ALS2: variants seen among roughly 807,000 people sequenced by gnomAD.
ALS2 encodes alsin Rho guanine nucleotide exchange factor ALS2.
Under a neutral mutation model 203.4 loss-of-function variants are expected in ALS2, and 117 were observed. That is an observed-to-expected ratio of 0.58 (90% CI 0.50 to 0.67). The LOEUF (loss-of-function observed/expected upper bound fraction) is 0.67, where lower values mean the gene tolerates loss of function less well. Among genes scored for constraint, ALS2 ranks in the 30% least tolerant of loss-of-function variants. ALS2 has a pLI of 0.00. For missense variants in ALS2, 1,715 were observed against 1,989.4 expected, an observed-to-expected ratio of 0.86 and a Z score of 2.62; for synonymous variants, 718 against 725.9, an observed-to-expected ratio of 0.99 and a Z score of 0.17.
intron 16 of ALS2, 67 bp downstream of exon 16, chr2:201,727,638 A>G: frequency 7.1e-7 from 1 of 1,415,236 alleles, no homozygotes. Context: ...GCTTTTTTTC[A>G]CATTTAAGGA....
intron 29 of ALS2, 97 bp downstream of exon 29, chr2:201,706,749 A>G (rs1243258300): frequency 8.2e-7 from 1 of 1,223,892 alleles, no homozygotes. Flanking sequence ...ATTACAAGCC[A>G]TATATATAAT....
chr2:201,780,042 A>G (rs1257002220), intron 1 of ALS2: 2 of 152,228 alleles, frequency 1.3e-5, no homozygotes, highest in African/African-American at 2.4e-5. Flanking sequence ...GTAACTGAGT[A>G]AAGATCTTCA....
rs774213420 is a variant in ALS2, at chr2:201,761,866, T to C, written c.176-48A>G. ...AAGAAAAAAAAAAGGGTTAGTGAATTAACTAAAAATTTTAACAGCAAACTT... is the reference window on the plus strand; with the variant it reads ...AAGAAAAAAAAAAGGGTTAGTGAATCAACTAAAAATTTTAACAGCAAACTT... On this transcript the variant is annotated intron_variant, in intron 3 of 33. Transcript: ENST00000264276. The C allele has an allele frequency of 3.1e-6, 5 of 1,592,682 alleles. No individual in the cohort carries two copies. The Admixed American group carries it at 8.7e-5, about 28-fold the overall frequency.
intron 27 of ALS2, among the ~76,000 whole-genome samples, chr2:201,708,401 T>G (rs969651634): frequency 1.3e-5 from 2 of 152,204 alleles, no homozygotes; most frequent in East Asian, 3.8e-4. Flanking sequence ...TGTAAAGTTT[T>G]ATTTTATTTT....
At chr2:201,731,259 T>A (rs891348786) in intron 13 of ALS2, among the ~76,000 whole-genome samples, 1 of 152,140 alleles carries the variant, frequency 6.6e-6, no homozygotes, top group African/African-American at 2.4e-5. Flanking sequence ...AAATAAGGTA[T>A]GATCTTTGTA....
At chr2:201,707,121 G>C (rs1689767223) in intron 28 of ALS2, 99 bp from the exon 29 acceptor site, 1 of 1,125,818 alleles carries the variant, frequency 8.9e-7, no homozygotes, top group Non-Finnish European at 1.3e-6. Context: ...CAAAAGTAGA[G>C]ATGGGAAGTT....
In ALS2 at chr2:201,769,015, AGC is replaced by A. The variant is rs1426334987; in HGVS notation, c.-60-72_-60-71del. ...CCCCTCAGACATTAAAAAAAAAAAA[AGC>A]AGCCCTCTAACAAGTGCACATTCAC... is the stretch of plus-strand genomic sequence containing the variant. On this transcript the variant is annotated intron_variant, in intron 1 of 33. Coordinates refer to ENST00000264276, the MANE Select transcript of ALS2 (RefSeq NM_020919.4). 5.8e-5 allele frequency: 42 copies of A among 720,310 alleles called. No homozygotes were observed. The Admixed American group carries it at 1.1e-3, about 19-fold the overall frequency. 44.6% of individuals were successfully genotyped at this position (720,310 alleles called of 1,614,324 possible). A position where few individuals can be genotyped will look rare whatever the true frequency, so the allele number is the denominator to read the frequency against.
rs780039812 is a variant in ALS2 at position 201,704,617 on chromosome 2, A to G, written c.4689-14T>C. 6.2e-7 allele frequency: 1 copy of G among 1,614,072 alleles called. No individual in the cohort carries two copies. Among genetic ancestry groups the G allele is most frequent in the Non-Finnish European group, 8.5e-7 (1 of 1,179,938 alleles). ...GTAAATGTTGTGCTGTTACAGAAAC[A>G]ATGACAAAAAGACATCCTATAATTT... On this transcript the variant is annotated splice_polypyrimidine_tract_variant and intron_variant, in intron 31 of 33. Coordinates refer to ENST00000264276, the MANE Select transcript of ALS2 (RefSeq NM_020919.4).
At chr2:201,704,372 C>G (rs1689572490) in intron 32 of ALS2, 82 bp downstream of exon 32, 5 of 1,559,902 alleles carry the variant, frequency 3.2e-6, no homozygotes, top group African/African-American at 1.4e-5. Context: ...GAAGAGCGTA[C>G]TCCTGCTGTC....
At chr2:201,732,537 C>T (rs894803292) in intron 13 of ALS2, among the ~76,000 whole-genome samples, 1 of 152,056 alleles carries the variant, frequency 6.6e-6, no homozygotes, top group Non-Finnish European at 1.5e-5. Flanking sequence ...CACTGCACTC[C>T]AGCCCCAGTG....
rs1691383975 is a variant in ALS2 at position 201,729,190 on chromosome 2, G to A, written c.2581-7C>T. ...TCTGATATTCTGGAGATGCCTACAG[G>A]GCAAAAATTAAAGAGGAAAAAAAAA... On this transcript the variant is annotated splice_polypyrimidine_tract_variant and splice_region_variant and intron_variant, in intron 13 of 33. Transcript: ENST00000264276. The A allele has an allele frequency of 1.9e-6, 3 of 1,612,746 alleles. No individual in the cohort carries two copies. The East Asian group carries it at 6.7e-5, about 36-fold the overall frequency.
Position 201,701,989 on chromosome 2 carries a change from A to G in ALS2, c.4936-100T>C, listed in dbSNP as rs188138839. ...TAAAGAAACAAAATCCCTTATGAAC[A>G]AATTCAGCTGATGGCCCAACAGATT... On this transcript the variant is annotated intron_variant, in intron 33 of 33. Coordinates refer to ENST00000264276, the MANE Select transcript of ALS2 (RefSeq NM_020919.4). The G allele has an allele frequency of 5.4e-3, 5,721 of 1,050,868 alleles. 20 individuals are homozygous for G. Among genetic ancestry groups the G allele is most frequent in the Middle Eastern group, 8.2e-3 (31 of 3,782 alleles). 65.1% of individuals were successfully genotyped at this position (1,050,868 alleles called of 1,614,324 possible).
chr2:201,775,234 T>C (rs1052822824), intron 1 of ALS2, among the ~76,000 whole-genome samples: 4 of 152,372 alleles, frequency 2.6e-5, no homozygotes, highest in Admixed American at 6.5e-5. Flanking sequence ...AGATTTCATG[T>C]AGCCATTAAC....
At chr2:201,725,013 T>C (rs995663861) in intron 20 of ALS2, among the ~76,000 whole-genome samples, 12 of 150,670 alleles carry the variant, frequency 8.0e-5, no homozygotes, top group Admixed American at 2.0e-4. Context: ...CTCGGGAGGC[T>C]GAAGCAGGAG....
intron 1 of ALS2, among the ~76,000 whole-genome samples, chr2:201,774,372 T>C (rs913377331): frequency 3.9e-5 from 6 of 152,228 alleles, no homozygotes; most frequent in African/African-American, 1.2e-4. Flanking sequence ...AGCAGAATTA[T>C]ACATTTTGTG....
At chr2:201,719,181 G>A (rs1474945729) in intron 23 of ALS2, among the ~76,000 whole-genome samples, 1 of 152,246 alleles carries the variant, frequency 6.6e-6, no homozygotes, top group Non-Finnish European at 1.5e-5. Flanking sequence ...TTTGGAAAGT[G>A]TGTCTCCTCT....
Position 201,741,849 on chromosome 2 carries a change from A to G in ALS2, c.2176T>C (p.Leu726=). The stretch of plus-strand genomic sequence containing the variant: ...AGCTGGACTGTAGTTGTAGTGCCCA[A>G]ATTTTCTATAACAAAATAATGATGA... ...ILRPLLSLEN[L]GTTTTVQLLQ... The change falls in exon 11 of 34, where the codon TTG becomes CTG. Residue 726 remains leucine (L), a synonymous_variant. Transcript: ENST00000264276. The G allele has an allele frequency of 1.2e-6, 2 of 1,612,160 alleles. No individual in the cohort carries two copies. The highest frequency in any genetic ancestry group is 1.7e-6 in the Non-Finnish European group (2 of 1,178,484).
chr2:201,720,015 T>C (rs1400869773), intron 23 of ALS2: 2 of 322,620 alleles, frequency 6.2e-6, no homozygotes, highest in South Asian at 2.4e-5. Context: ...GAAGACTTCA[T>C]TGGTGAATTC....
intron 8 of ALS2, among the ~76,000 whole-genome samples, chr2:201,747,738 C>T (rs1048587598): frequency 1.6e-4 from 25 of 152,228 alleles, no homozygotes; most frequent in African/African-American, 5.5e-4. Context: ...CGTGAGCTAC[C>T]GCGCCCAGCC....
Sources: gnomAD v4.1 joint callset for allele counts (sites outside exome capture counted in the v4.1 genomes callset) on GRCh38, gnomAD v4.1.1 for gene constraint, MANE v1.5 for transcripts, NCBI Gene and HGNC (gene_info 2026-07-23, HGNC 2026-07-21) for gene names.